The following AKT3 variants were observed in gnomAD, a reference collection of about 807,000 sequenced individuals.
The protein encoded by AKT3 is AKT serine/threonine kinase 3.
In AKT3, 15 loss-of-function variants were observed where a neutral mutation model predicts 65.3. The observed-to-expected ratio is 0.23, with a 90% CI of 0.15 to 0.35. The LOEUF is 0.35. Ranked by LOEUF, AKT3 falls within the 10% of genes least tolerant of loss-of-function variation. The pLI, the probability that AKT3 is intolerant of heterozygous loss-of-function variation, is 1.00. For missense variants in AKT3, 243 were observed against 576.5 expected (o/e 0.42, Z 5.92); for synonymous variants, 206 against 183.8 (o/e 1.12, Z -0.98).
intron 1 of AKT3, among the ~76,000 whole-genome samples, chr1:243,847,745 TAA>T (rs1024109463): frequency 2.7e-4 from 41 of 152,290 alleles, no homozygotes; most frequent in African/African-American, 7.2e-4. Context: ...ATGTAAATAT[TAA>T]AAGTTTTTAA....
intron 8 of AKT3, among the ~76,000 whole-genome samples, chr1:243,600,772 T>C (rs532213391): frequency 5.9e-5 from 9 of 152,264 alleles, no homozygotes; most frequent in African/African-American, 1.9e-4. Flanking sequence ...GCTTTGACTT[T>C]AGAAAAAAAT....
At chr1:243,759,994 T>C (rs1689384140) in intron 2 of AKT3, among the ~76,000 whole-genome samples, 2 of 152,238 alleles carry the variant, frequency 1.3e-5, no homozygotes, top group Admixed American at 1.3e-4. Flanking sequence ...TGCACAGATC[T>C]GCACCCTAGA....
chr1:243,761,137 G>A (rs926502566), intron 2 of AKT3, among the ~76,000 whole-genome samples: 1 of 152,086 alleles, frequency 6.6e-6, no homozygotes, highest in Admixed American at 6.6e-5. Context: ...CCAGAGCAGG[G>A]ACTTCAAATA....
intron 2 of AKT3, among the ~76,000 whole-genome samples, chr1:243,837,598 C>G (rs1418513865): frequency 6.6e-6 from 1 of 151,948 alleles, no homozygotes; most frequent in African/African-American, 2.4e-5. Context: ...TTTATTCCAG[C>G]AATGAAAGTA....
intron 9 of AKT3, among the ~76,000 whole-genome samples, chr1:243,569,243 C>T (rs374544495): frequency 3.3e-5 from 5 of 152,212 alleles, no homozygotes; most frequent in African/African-American, 9.6e-5. Flanking sequence ...AAAAGAAAAA[C>T]GTTTCTTCAC....
chr1:243,523,031 G>A (rs984052166), intron 12 of AKT3, among the ~76,000 whole-genome samples: 1 of 152,098 alleles, frequency 6.6e-6, no homozygotes, highest in African/African-American at 2.4e-5. Flanking sequence ...GAAAGATAGG[G>A]GCTTTAAAAG....
intron 12 of AKT3, among the ~76,000 whole-genome samples, chr1:243,543,039 AC>A (rs771754247): frequency 3.3e-5 from 5 of 152,040 alleles, no homozygotes; most frequent in Non-Finnish European, 7.4e-5. Context: ...ATTAAGTGGC[AC>A]CCATTAAAAA....
chr1:243,811,404 T>C (rs1693142291), intron 2 of AKT3, among the ~76,000 whole-genome samples: 1 of 152,122 alleles, frequency 6.6e-6, no homozygotes, highest in Non-Finnish European at 1.5e-5. Context: ...AAATTATGAG[T>C]GAACTCCCAT....
intron 8 of AKT3, among the ~76,000 whole-genome samples, chr1:243,587,136 A>T (rs185066956): frequency 6.6e-6 from 1 of 152,302 alleles, no homozygotes; most frequent in African/African-American, 2.4e-5. Context: ...GACAAAACTT[A>T]AAAAAGGGCA....
At chr1:243,516,625 T>C (rs1453186751) in intron 12 of AKT3, among the ~76,000 whole-genome samples, 1 of 152,092 alleles carries the variant, frequency 6.6e-6, no homozygotes, top group Non-Finnish European at 1.5e-5. Flanking sequence ...TGATCATAGT[T>C]CACTGAAGCC....
At chr1:243,512,276 G>T in intron 13 of AKT3, 48 bp downstream of exon 13, 1 of 1,055,212 alleles carries the variant, frequency 9.5e-7, no homozygotes, top group Non-Finnish European at 1.4e-6. Flanking sequence ...AATTACATTA[G>T]GAGAAATTAT....
At chr1:243,494,460 A>G (rs1558551963) in intron 13 of AKT3, among the ~76,000 whole-genome samples, 1 of 152,236 alleles carries the variant, frequency 6.6e-6, no homozygotes, top group Non-Finnish European at 1.5e-5. Flanking sequence ...TTAAAAAATG[A>G]CACAAGACCC....
chr1:243,539,471 A>G (rs1190461610), intron 12 of AKT3, among the ~76,000 whole-genome samples: 1 of 152,178 alleles, frequency 6.6e-6, no homozygotes, highest in African/African-American at 2.4e-5. Context: ...GTTTCTAGGA[A>G]GTCAAAAGTT....
At chr1:243,818,697 T>C (rs999633085) in intron 2 of AKT3, among the ~76,000 whole-genome samples, 1 of 152,128 alleles carries the variant, frequency 6.6e-6, no homozygotes, top group Admixed American at 6.5e-5. Flanking sequence ...CAATATGTTA[T>C]GCAGAAGTCC....
chr1:243,633,383 T>C (rs980075711), intron 6 of AKT3, among the ~76,000 whole-genome samples: 1 of 152,186 alleles, frequency 6.6e-6, no homozygotes, highest in Non-Finnish European at 1.5e-5. Context: ...TAAGTTTGTG[T>C]TGTAATACCA....
chr1:243,780,995 A>T (rs994075633), intron 2 of AKT3, among the ~76,000 whole-genome samples: 2 of 152,128 alleles, frequency 1.3e-5, no homozygotes, highest in Non-Finnish European at 2.9e-5. Context: ...TTTTAATTGC[A>T]AAGTAGGGCA....
intron 4 of AKT3, among the ~76,000 whole-genome samples, chr1:243,653,898 A>G (rs757715401): frequency 1.3e-5 from 2 of 152,010 alleles, no homozygotes; most frequent in Non-Finnish European, 2.9e-5. Flanking sequence ...AATCTTTTTC[A>G]ATCTATTTAT....
At chr1:243,498,589 T>TCA (rs1462366653), downstream of AKT3, among the ~76,000 whole-genome samples, 1 of 152,258 alleles carries the variant, frequency 6.6e-6, no homozygotes, top group Non-Finnish European at 1.5e-5. Context: ...TCAGGGTCTC[T>TCA]CACACACTGG....
At chr1:243,728,599 G>A (rs1044713511) in intron 2 of AKT3, among the ~76,000 whole-genome samples, 1 of 152,194 alleles carries the variant, frequency 6.6e-6, no homozygotes, top group African/African-American at 2.4e-5. Flanking sequence ...GGACAGGACA[G>A]GCAATCCCAA....
Sources: gnomAD v4.1 joint callset for allele counts (sites outside exome capture counted in the v4.1 genomes callset) on GRCh38, gnomAD v4.1.1 for gene constraint, MANE v1.5 for transcripts, NCBI Gene and HGNC (gene_info 2026-07-23, HGNC 2026-07-21) for gene names.